The following PDZRN3 variants were observed in gnomAD, a reference collection of about 807,000 sequenced individuals.
The protein encoded by PDZRN3 is E3 ubiquitin-protein ligase PDZRN3.
Under a neutral mutation model 85.7 loss-of-function variants are expected in PDZRN3, and 38 were observed. The ratio of observed to expected loss-of-function variants is 0.44; its 90% CI spans 0.34 to 0.58. PDZRN3 has a LOEUF of 0.58. PDZRN3 is among the 20% of genes least tolerant of loss of function. The pLI, the probability that PDZRN3 is intolerant of heterozygous loss-of-function variation, is 0.01. For synonymous variants in PDZRN3, 759 were observed against 638.0 expected, an observed-to-expected ratio of 1.19 and a Z score of -2.86; for missense variants, 1,629 against 1,506.4, an observed-to-expected ratio of 1.08 and a Z score of -1.35.
chr3:73,526,625 G>A (rs1704529798), intron 3 of PDZRN3, among the ~76,000 whole-genome samples: 1 of 152,184 alleles, frequency 6.6e-6, no homozygotes, highest in Non-Finnish European at 1.5e-5. Context: ...GAGCAATGTG[G>A]AGAATGTGCA....
At chr3:73,518,862 A>T (rs929140290) in intron 3 of PDZRN3, among the ~76,000 whole-genome samples, 2 of 152,208 alleles carry the variant, frequency 1.3e-5, no homozygotes, top group Admixed American at 1.3e-4. Context: ...TCCTAACACC[A>T]TCACCGTGAA....
At chr3:73,410,694 C>T (rs937959428) in intron 3 of PDZRN3, among the ~76,000 whole-genome samples, 1 of 152,200 alleles carries the variant, frequency 6.6e-6, no homozygotes. Context: ...CTACCAGCCT[C>T]TGATTAGTAA....
Position 73,389,826 on chromosome 3 carries a change from C to A in PDZRN3, c.1406G>T (p.Arg469Leu). ...TGGAAGTGGACTTACCTGGATAATG[C>A]GGTCTCCTTCTCGGATGCGCCCATC... is the stretch of plus-strand genomic sequence containing the variant. ...AKDGRIREGD[R>L]IIQINGIEVQ... The change falls in exon 7 of 10, where the codon CGC becomes CTC. Residue 469 changes from arginine to leucine, a missense_variant. Coordinates refer to ENST00000263666, the MANE Select transcript of PDZRN3 (RefSeq NM_015009.3). 6.2e-7 allele frequency: 1 copy of A among 1,611,592 alleles called. No homozygotes were observed. Among genetic ancestry groups the A allele is most frequent in the Non-Finnish European group, 8.5e-7 (1 of 1,177,704 alleles).
chr3:73,475,105 T>A (rs767510663), intron 3 of PDZRN3, among the ~76,000 whole-genome samples: 6 of 152,102 alleles, frequency 3.9e-5, no homozygotes, highest in Non-Finnish European at 8.8e-5. Context: ...GACCACCAGC[T>A]CTACACAGAA....
rs202184460 is a variant in PDZRN3 at position 73,565,117 on chromosome 3, A to ATT, written c.918+37235_918+37236dup. 3.5e-3 allele frequency among the ~76,000 whole-genome samples: 492 copies of ATT among 138,906 alleles called. 7 individuals are homozygous for ATT. Among genetic ancestry groups the ATT allele is most frequent in the Non-Finnish European group, 6.2e-3 (402 of 65,260 alleles). The allele number at this position is 138,906 out of a possible 152,430, so 91.1% of individuals were successfully genotyped here. ...CTTTAGGGAAATACTATATCCACCA[A>ATT]TTTTTTTTTTTTTTTTTTTTTTTTT... On this transcript the variant is annotated intron_variant, in intron 3 of 9. Coordinates refer to ENST00000263666, the MANE Select transcript of PDZRN3 (RefSeq NM_015009.3).
rs763306462 is a variant in PDZRN3, at chr3:73,459,089, C to T, written c.919-54694G>A. 2.0e-5 allele frequency among the ~76,000 whole-genome samples: 3 copies of T among 152,034 alleles called. No individual in the cohort carries two copies. In the East Asian group the frequency reaches 5.8e-4, roughly 29 times the overall value. On this transcript the variant is annotated intron_variant, in intron 3 of 9. Coordinates refer to ENST00000263666, the MANE Select transcript of PDZRN3 (RefSeq NM_015009.3). Reference sequence around the variant, plus strand: ...GGAGGCCTCAGTAAACTGACAATCACGGCGGAAGGCACCTCTTCACAGGGC... The same window carrying T: ...GGAGGCCTCAGTAAACTGACAATCATGGCGGAAGGCACCTCTTCACAGGGC...
chr3:73,501,314 G>T (rs976517153), intron 3 of PDZRN3, among the ~76,000 whole-genome samples: 2 of 152,156 alleles, frequency 1.3e-5, no homozygotes, highest in East Asian at 3.9e-4. Flanking sequence ...ACTGGGACAC[G>T]GGCTTTGGAG....
chr3:73,595,844 T>C (rs2106886787), intron 3 of PDZRN3, among the ~76,000 whole-genome samples: 1 of 152,310 alleles, frequency 6.6e-6, no homozygotes. Context: ...AAGACAGATG[T>C]ATATGTTATT....
intron 3 of PDZRN3, among the ~76,000 whole-genome samples, chr3:73,490,517 T>C (rs1703750476): frequency 6.6e-6 from 1 of 152,208 alleles, no homozygotes; most frequent in Non-Finnish European, 1.5e-5. Context: ...TCACGGCAAA[T>C]GTGGGCAACA....
At chr3:73,481,618 C>T (rs989621753) in intron 3 of PDZRN3, among the ~76,000 whole-genome samples, 4 of 151,644 alleles carry the variant, frequency 2.6e-5, no homozygotes, top group Non-Finnish European at 5.9e-5. Flanking sequence ...GCGTAAGCCA[C>T]CACACCTGGC....
chr3:73,560,083 C>A (rs932480704), intron 3 of PDZRN3, among the ~76,000 whole-genome samples: 1 of 152,200 alleles, frequency 6.6e-6, no homozygotes, highest in Non-Finnish European at 1.5e-5. Flanking sequence ...CCAGACAGTG[C>A]CTGCTCTCAA....
intron 3 of PDZRN3, among the ~76,000 whole-genome samples, chr3:73,467,977 TAAAG>T (rs1054610225): frequency 9.9e-5 from 15 of 152,250 alleles, no homozygotes; most frequent in African/African-American, 3.1e-4. Flanking sequence ...ATTTATTGGA[TAAAG>T]AGTTTCATTA....
At chr3:73,506,958 A>C (rs1183467845) in intron 3 of PDZRN3, among the ~76,000 whole-genome samples, 1 of 152,130 alleles carries the variant, frequency 6.6e-6, no homozygotes, top group Non-Finnish European at 1.5e-5. Context: ...AATGGTAAAA[A>C]TAACCATAGT....
At chr3:73,422,361 T>C (rs1177299757) in intron 3 of PDZRN3, among the ~76,000 whole-genome samples, 5 of 152,176 alleles carry the variant, frequency 3.3e-5, no homozygotes, top group Admixed American at 2.6e-4. Context: ...ATCTGTGAAA[T>C]GGAAATAATA....
chr3:73,443,483 T>TC lies in PDZRN3; in HGVS notation c.919-39089_919-39088insG, dbSNP rs1559682558. Among the ~76,000 whole-genome samples the TC allele has an allele frequency of 1.7e-3, 225 of 131,114 alleles. 2 individuals carry two copies. Among genetic ancestry groups the TC allele is most frequent in the African/African-American group, 5.8e-3 (168 of 29,138 alleles). The allele number at this position is 131,114 out of a possible 152,430, so 86.0% of individuals were successfully genotyped here. The stretch of plus-strand genomic sequence containing the variant: ...ACTTGATTTATTTTCCTTTTTCTTT[T>TC]TTTTTTTTTTTTTTTGGGGGGGGGA... On this transcript the variant is annotated intron_variant, in intron 3 of 9. Coordinates refer to ENST00000263666, the MANE Select transcript of PDZRN3 (RefSeq NM_015009.3).
intron 3 of PDZRN3, among the ~76,000 whole-genome samples, chr3:73,583,356 C>A (rs904608968): frequency 2.0e-5 from 3 of 152,214 alleles, no homozygotes; most frequent in African/African-American, 7.2e-5. Context: ...GAAGTAAATT[C>A]TTCCTACATA....
At chr3:73,589,503 G>A (rs1435158755) in intron 3 of PDZRN3, among the ~76,000 whole-genome samples, 2 of 152,168 alleles carry the variant, frequency 1.3e-5, no homozygotes, top group East Asian at 3.9e-4. Flanking sequence ...CTGAATCAGT[G>A]TAACTCCCTG....
chr3:73,397,768 G>T (rs970505337), intron 5 of PDZRN3, among the ~76,000 whole-genome samples: 1 of 152,218 alleles, frequency 6.6e-6, no homozygotes, highest in Non-Finnish European at 1.5e-5. Flanking sequence ...TTATGAGAAG[G>T]TACTTAGGTA....
intron 3 of PDZRN3, among the ~76,000 whole-genome samples, chr3:73,448,343 T>C (rs1426494191): frequency 6.6e-6 from 1 of 152,268 alleles, no homozygotes; most frequent in East Asian, 1.9e-4. Flanking sequence ...GCAGCATTAA[T>C]GGTAAATGCT....
Sources: gnomAD v4.1 joint callset for allele counts (sites outside exome capture counted in the v4.1 genomes callset) on GRCh38, gnomAD v4.1.1 for gene constraint, MANE v1.5 for transcripts, NCBI Gene and HGNC (gene_info 2026-07-23, HGNC 2026-07-21) for gene names.